RALYL: variants seen among roughly 807,000 people sequenced by gnomAD.
RALYL encodes RNA-binding Raly-like protein.
In RALYL, 29 loss-of-function variants were observed where a neutral mutation model predicts 35.1. The observed-to-expected ratio is 0.83, with a 90% confidence interval of 0.61 to 1.13. RALYL has a LOEUF of 1.13. RALYL is among the 50% of genes most tolerant of loss of function. The pLI, the probability that RALYL is intolerant of heterozygous loss-of-function variation, is 0.00. For missense variants in RALYL, 359 were observed against 360.4 expected (o/e 1.00, Z 0.03); for synonymous variants, 120 against 127.6 (o/e 0.94, Z 0.40).
At chr8:84,439,024 C>T (rs2048047895) in intron 1 of RALYL, among the ~76,000 whole-genome samples, 1 of 151,944 alleles carries the variant, frequency 6.6e-6, no homozygotes, top group Non-Finnish European at 1.5e-5. Context: ...TAATGCAATG[C>T]CTTCAGCTTT....
chr8:84,496,493 C>G (rs548896497), intron 1 of RALYL, among the ~76,000 whole-genome samples: 9 of 152,050 alleles, frequency 5.9e-5, no homozygotes, highest in South Asian at 2.1e-4. Context: ...GTGATCATCT[C>G]ACAACCATGG....
intron 1 of RALYL, among the ~76,000 whole-genome samples, chr8:84,284,430 A>G (rs1370990398): frequency 1.3e-5 from 2 of 152,204 alleles, no homozygotes; most frequent in Non-Finnish European, 2.9e-5. Flanking sequence ...TATTCTCATA[A>G]TAGTGACATT....
chr8:84,547,345 A>G (rs1291301014), intron 2 of RALYL, among the ~76,000 whole-genome samples: 1 of 151,294 alleles, frequency 6.6e-6, no homozygotes, highest in Non-Finnish European at 1.5e-5. Context: ...TTATCCAAGG[A>G]CTGTTGTTAT....
At chr8:84,733,942 G>A (rs979258388) in intron 2 of RALYL, among the ~76,000 whole-genome samples, 10 of 152,178 alleles carry the variant, frequency 6.6e-5, no homozygotes, top group African/African-American at 2.4e-4. Flanking sequence ...TAGTAAAAAG[G>A]CAGAAAGAAT....
intron 2 of RALYL, among the ~76,000 whole-genome samples, chr8:84,758,533 T>C (rs1811959693): frequency 6.6e-6 from 1 of 152,168 alleles, no homozygotes; most frequent in Admixed American, 6.6e-5. Context: ...TACAGTCATG[T>C]AAAGGTTTAG....
At chr8:84,820,637 C>T (rs1828319451) in intron 4 of RALYL, among the ~76,000 whole-genome samples, 1 of 152,074 alleles carries the variant, frequency 6.6e-6, no homozygotes, top group Non-Finnish European at 1.5e-5. Flanking sequence ...CTTCACCTAT[C>T]AACCTGTCAT....
intron 2 of RALYL, among the ~76,000 whole-genome samples, chr8:84,733,381 A>G (rs1846604914): frequency 2.0e-5 from 3 of 152,152 alleles, no homozygotes; most frequent in Admixed American, 2.0e-4. Flanking sequence ...AACTAGATGA[A>G]CTGTAAGGTT....
intron 2 of RALYL, among the ~76,000 whole-genome samples, chr8:84,682,736 T>C (rs1427224015): frequency 6.6e-6 from 1 of 152,180 alleles, no homozygotes; most frequent in Admixed American, 6.5e-5. Context: ...TCTCTTTTCT[T>C]CTTTATTAGT....
intron 1 of RALYL, among the ~76,000 whole-genome samples, chr8:84,412,748 G>A (rs899997039): frequency 6.6e-6 from 1 of 151,966 alleles, no homozygotes; most frequent in Admixed American, 6.6e-5. Flanking sequence ...AATAGATTTA[G>A]ATATGCAGAA....
chr8:84,460,257 C>T (rs1340192309), intron 1 of RALYL, among the ~76,000 whole-genome samples: 2 of 151,632 alleles, frequency 1.3e-5, no homozygotes, highest in Non-Finnish European at 3.0e-5. Flanking sequence ...GGGTAGAATG[C>T]TTATGGAAGC....
chr8:84,653,989 G>T (rs1356820492), intron 2 of RALYL, among the ~76,000 whole-genome samples: 3 of 150,934 alleles, frequency 2.0e-5, no homozygotes, highest in African/African-American at 7.3e-5. Flanking sequence ...AGCCCATTGA[G>T]AACAAGGTTT....
At chr8:84,619,248 T>G (rs1361390103) in intron 2 of RALYL, among the ~76,000 whole-genome samples, 1 of 151,798 alleles carries the variant, frequency 6.6e-6, no homozygotes, top group Non-Finnish European at 1.5e-5. Flanking sequence ...TGTAGGTCAC[T>G]CAGGACTTGC....
rs59842702 is a variant in RALYL at position 84,735,811 on chromosome 8, CGAGAGAGA to C, written c.257-38737_257-38730del. Among the ~76,000 whole-genome samples, 882 of 111,384 alleles carry C rather than the reference CGAGAGAGA, an allele frequency of 7.9e-3. 9 individuals are homozygous for C. The highest frequency in any genetic ancestry group is 0.025 in the African/African-American group (816 of 32,378). 73.1% of individuals were successfully genotyped at this position (111,384 alleles called of 152,430 possible). ...CCATTCCTTAAGATCATCCAAACCG[CGAGAGAGA>C]GAGAGAGAGAGAGAGAGAGAGAGAG... On this transcript the variant is annotated intron_variant, in intron 2 of 8. Coordinates refer to ENST00000521268, the MANE Select transcript of RALYL (RefSeq NM_173848.7).
intron 4 of RALYL, among the ~76,000 whole-genome samples, chr8:84,839,504 A>G (rs1479672945): frequency 6.6e-6 from 1 of 152,250 alleles, no homozygotes; most frequent in African/African-American, 2.4e-5. Flanking sequence ...CCACAGCTCA[A>G]GGAGGCCTGC....
At chr8:84,561,264 T>C (rs1564148147) in intron 2 of RALYL, among the ~76,000 whole-genome samples, 1 of 151,918 alleles carries the variant, frequency 6.6e-6, no homozygotes, top group Non-Finnish European at 1.5e-5. Context: ...CACATATAAA[T>C]GGAATCTTAA....
At chr8:84,395,616 G>A (rs895571722) in intron 1 of RALYL, among the ~76,000 whole-genome samples, 6 of 151,692 alleles carry the variant, frequency 4.0e-5, no homozygotes, top group Admixed American at 1.3e-4. Flanking sequence ...ATAACATTTG[G>A]CACATTACGT....
intron 3 of RALYL, among the ~76,000 whole-genome samples, chr8:84,786,432 T>C (rs1021782918): frequency 6.6e-6 from 1 of 152,190 alleles, no homozygotes; most frequent in Non-Finnish European, 1.5e-5. Context: ...TGAACTAATT[T>C]ACATTCCCAC....
chr8:84,815,573 G>A (rs1054897116), intron 4 of RALYL, among the ~76,000 whole-genome samples: 2 of 151,040 alleles, frequency 1.3e-5, no homozygotes, highest in Non-Finnish European at 2.9e-5. Flanking sequence ...TTTAATGGAG[G>A]GCTTAAGTTT....
chr8:84,365,635 G>A (rs73296884), intron 1 of RALYL, among the ~76,000 whole-genome samples: 2 of 152,166 alleles, frequency 1.3e-5, no homozygotes, highest in African/African-American at 4.8e-5. Context: ...GAGTTACTTA[G>A]AATGGAAGAA....
Sources: gnomAD v4.1 joint callset for allele counts (sites outside exome capture counted in the v4.1 genomes callset) on GRCh38, gnomAD v4.1.1 for gene constraint, MANE v1.5 for transcripts, NCBI Gene and HGNC (gene_info 2026-07-23, HGNC 2026-07-21) for gene names.